Variants in CAMK2D observed in about 807,000 individuals in gnomAD.
CAMK2D encodes the protein calcium/calmodulin dependent protein kinase II delta.
CAMK2D carries 37 observed loss-of-function variants against 84.0 expected under a neutral mutation model. That is an observed-to-expected ratio of 0.44 (90% CI 0.34 to 0.58). The LOEUF (loss-of-function observed/expected upper bound fraction) is 0.58. Among genes scored for constraint, CAMK2D ranks in the 20% least tolerant of loss-of-function variants. The pLI, the probability that CAMK2D is intolerant of heterozygous loss-of-function variation, is 0.02. For missense variants in CAMK2D, 448 were observed against 652.5 expected, an observed-to-expected ratio of 0.69 and a Z score of 3.41; for synonymous variants, 202 against 212.5, an observed-to-expected ratio of 0.95 and a Z score of 0.43.
chr4:113,627,592 C>G (rs985608994), intron 3 of CAMK2D, among the ~76,000 whole-genome samples: 2 of 152,142 alleles, frequency 1.3e-5, no homozygotes, highest in African/African-American at 4.8e-5. Context: ...TTATCTAACA[C>G]ACAGATATTT....
At chr4:113,712,155 T>C (rs1412926884) in intron 2 of CAMK2D, among the ~76,000 whole-genome samples, 1 of 152,188 alleles carries the variant, frequency 6.6e-6, no homozygotes, top group Admixed American at 6.6e-5. Context: ...GAGTCACTTA[T>C]ACTTTCAAGT....
chr4:113,637,033 T>A (rs1320397601), intron 3 of CAMK2D, among the ~76,000 whole-genome samples: 2 of 152,164 alleles, frequency 1.3e-5, no homozygotes, highest in African/African-American at 2.4e-5. Context: ...GGCTCCTCCC[T>A]CAGGTATCTG....
intron 2 of CAMK2D, among the ~76,000 whole-genome samples, chr4:113,709,393 AG>A (rs1352808125): frequency 1.3e-5 from 2 of 152,128 alleles, no homozygotes; most frequent in Non-Finnish European, 2.9e-5. Context: ...TGAAAAAAAA[AG>A]TGTTTAAAAT....
At chr4:113,754,327 A>T in intron 2 of CAMK2D, 1 of 981,912 alleles carries the variant, frequency 1.0e-6, no homozygotes, top group Non-Finnish European at 1.2e-6. Context: ...ACCTCAGTAT[A>T]AGCCCAAGGA....
At chr4:113,735,498 A>C (rs1354585257) in intron 2 of CAMK2D, among the ~76,000 whole-genome samples, 1 of 151,840 alleles carries the variant, frequency 6.6e-6, no homozygotes, top group East Asian at 1.9e-4. Flanking sequence ...ACAAAACACA[A>C]TTTGTACAAT....
intron 3 of CAMK2D, among the ~76,000 whole-genome samples, chr4:113,635,413 T>C (rs1217128793): frequency 6.6e-6 from 1 of 152,208 alleles, no homozygotes; most frequent in Non-Finnish European, 1.5e-5. Flanking sequence ...GGCACTGTAA[T>C]AGATCCTTTA....
rs138413049 is a variant in CAMK2D at position 113,673,790 on chromosome 4, G to T, written c.161-12018C>A. 4.0e-4 allele frequency among the ~76,000 whole-genome samples: 61 copies of T among 152,308 alleles called. No homozygotes were observed. In the East Asian group the frequency reaches 0.011, roughly 27 times the overall value. On this transcript the variant is annotated intron_variant, in intron 2 of 20. Transcript: ENST00000511664. ...CAAGCCTGAAACAGGCCCAACCTGA[G>T]GTAAGAAATTTTAAATGATTACTCT... is the stretch of plus-strand genomic sequence containing the variant.
At chr4:113,579,570 C>CCTCTCTCTTGCT (rs1309872456) in intron 4 of CAMK2D, among the ~76,000 whole-genome samples, 64 of 152,034 alleles carry the variant, frequency 4.2e-4, no homozygotes, top group Admixed American at 1.2e-3. Flanking sequence ...TACTTCTTCC[C>CCTCTCTCTTGCT]CTCTCTCTTG....
intron 4 of CAMK2D, among the ~76,000 whole-genome samples, chr4:113,588,306 G>A (rs1473069868): frequency 6.6e-6 from 1 of 152,048 alleles, no homozygotes; most frequent in Non-Finnish European, 1.5e-5. Flanking sequence ...CTAAGAAAAA[G>A]ACAAGGTAAA....
intron 2 of CAMK2D, among the ~76,000 whole-genome samples, chr4:113,701,422 T>C (rs1436695094): frequency 6.6e-6 from 1 of 152,174 alleles, no homozygotes; most frequent in Non-Finnish European, 1.5e-5. Context: ...GATTAGAGAA[T>C]TCCCTTGGGA....
At chr4:113,505,319 G>T (rs2098115542) in intron 13 of CAMK2D, among the ~76,000 whole-genome samples, 2 of 152,164 alleles carry the variant, frequency 1.3e-5, no homozygotes, top group Non-Finnish European at 2.9e-5. Context: ...GCTCCAATCA[G>T]GTTTCAGAGT....
chr4:113,494,872 C>T (rs751635912), intron 16 of CAMK2D, among the ~76,000 whole-genome samples: 3 of 152,200 alleles, frequency 2.0e-5, no homozygotes, highest in Non-Finnish European at 2.9e-5. Flanking sequence ...GTCGGAAAAG[C>T]GCAGTATTCC....
chr4:113,457,275 A>C lies in CAMK2D; in HGVS notation c.1535+60T>G, dbSNP rs115236419. The C allele has an allele frequency of 3.2e-3, 5,169 of 1,595,358 alleles. 27 individuals are homozygous for C. The highest frequency in any genetic ancestry group is 0.028 in the Middle Eastern group (165 of 5,944). Reference sequence around the variant, plus strand: ...ATACCATGCTATTAACAATGGAATAAGTAGAAGGAGCTGACCATGGGTGTA... The same window carrying C: ...ATACCATGCTATTAACAATGGAATACGTAGAAGGAGCTGACCATGGGTGTA... On this transcript the variant is annotated intron_variant, in intron 19 of 20. Coordinates refer to ENST00000511664, the MANE Select transcript of CAMK2D (RefSeq NM_001321571.2).
At chr4:113,582,821 C>T (rs1003968331) in intron 4 of CAMK2D, among the ~76,000 whole-genome samples, 1 of 152,232 alleles carries the variant, frequency 6.6e-6, no homozygotes, top group African/African-American at 2.4e-5. Context: ...TAGACAGTAT[C>T]TGAATTTAGA....
In CAMK2D at chr4:113,571,320, G is replaced by A. The variant is rs745994108; in HGVS notation, c.276-19224C>T. ...TATTCAAAGGATATAAAATCAATAC[G>A]TTGAAGAGATGTCTTCACTCCCATA... On this transcript the variant is annotated intron_variant, in intron 4 of 20. Coordinates refer to ENST00000511664, the MANE Select transcript of CAMK2D (RefSeq NM_001321571.2). 5.3e-5 allele frequency among the ~76,000 whole-genome samples: 8 copies of A among 151,996 alleles called. No homozygotes were observed. The East Asian group carries it at 5.9e-4, about 11-fold the overall frequency.
At chr4:113,573,720 A>G (rs2098765921) in intron 4 of CAMK2D, among the ~76,000 whole-genome samples, 1 of 152,180 alleles carries the variant, frequency 6.6e-6, no homozygotes, top group Non-Finnish European at 1.5e-5. Flanking sequence ...ATTCTCACTT[A>G]CTATTTCCTC....
In CAMK2D at chr4:113,509,638, C is replaced by T. The variant is rs1309218617; in HGVS notation, c.984G>A (p.Lys328=). 19 of 1,600,218 alleles carry T rather than the reference C, an allele frequency of 1.2e-5. No individual in the cohort carries two copies. The highest frequency in any genetic ancestry group is 1.4e-5 in the Non-Finnish European group (16 of 1,167,566). The change falls in exon 13 of 21, where the codon AAG becomes AAA. Residue 328 remains lysine, a splice_region_variant and synonymous_variant. Transcript: ENST00000511664. ...GATTAGGGGCATCTGTTTAACTTACCTTTACTCCATCTGGTTTCTTCAACA... is the reference window on the plus strand; with the variant it reads ...GATTAGGGGCATCTGTTTAACTTACTTTTACTCCATCTGGTTTCTTCAACA... The part of the protein sequence containing the change: ...KSLLKKPDGV[K]INNKANVVTS...
chr4:113,583,078 A>G (rs939869850), intron 4 of CAMK2D, among the ~76,000 whole-genome samples: 2 of 152,214 alleles, frequency 1.3e-5, no homozygotes, highest in African/African-American at 4.8e-5. Context: ...CTCATCTTTC[A>G]TCAAGGGCTT....
chr4:113,492,232 T>G (rs1387790677), intron 16 of CAMK2D, among the ~76,000 whole-genome samples: 1 of 152,180 alleles, frequency 6.6e-6, no homozygotes, highest in Non-Finnish European at 1.5e-5. Flanking sequence ...AATTGTGATG[T>G]TAGGGTGTCA....
Sources: gnomAD v4.1 joint callset for allele counts (sites outside exome capture counted in the v4.1 genomes callset) on GRCh38, gnomAD v4.1.1 for gene constraint, MANE v1.5 for transcripts, NCBI Gene and HGNC (gene_info 2026-07-23, HGNC 2026-07-21) for gene names.